The following MMP10 variants were observed in gnomAD, a reference collection of about 807,000 sequenced individuals.
MMP10 encodes the protein stromelysin-2.
In MMP10, 50 loss-of-function variants were observed where a neutral mutation model predicts 49.1. That is an observed-to-expected ratio of 1.02 (90% confidence interval 0.81 to 1.29). MMP10 has a LOEUF of 1.29. Ranked by LOEUF, MMP10 falls within the 50% of genes most tolerant of loss-of-function variation. The probability of loss-of-function intolerance (pLI) is 0.00; values close to 1 mark genes in which losing one functional copy is unlikely to be tolerated. For missense variants in MMP10, 613 were observed against 563.8 expected (o/e 1.09, Z -0.88); for synonymous variants, 229 against 201.6 (o/e 1.14, Z -1.15).
Position 102,771,395 on chromosome 11 carries a change from T to C in MMP10, c.1331-502A>G, listed in dbSNP as rs567841887. Among the ~76,000 whole-genome samples the C allele has an allele frequency of 2.0e-5, 3 of 152,312 alleles. No homozygotes were observed. The South Asian group carries it at 6.2e-4, about 32-fold the overall frequency. On this transcript the variant is annotated intron_variant, in intron 9 of 9. Coordinates refer to ENST00000279441, the MANE Select transcript of MMP10 (RefSeq NM_002425.3). Reference sequence around the variant, plus strand: ...TGCATCCATCATGGTTAAGTCATTTTAGTAACAAGATCATCAGCCTCATGA... The same window carrying C: ...TGCATCCATCATGGTTAAGTCATTTCAGTAACAAGATCATCAGCCTCATGA...
At chr11:102,771,904 A>T in intron 9 of MMP10, 108 bp downstream of exon 9, 1 of 744,768 alleles carries the variant, frequency 1.3e-6, no homozygotes, top group Non-Finnish European at 2.3e-6. Context: ...GGAGTAAAAA[A>T]GATATCAGAC....
chr11:102,770,963 A>T (rs1193810835), intron 9 of MMP10, 70 bp from the exon 10 acceptor site: 2 of 1,028,252 alleles, frequency 1.9e-6, no homozygotes, highest in African/African-American at 3.2e-5. Flanking sequence ...TATAACTTAG[A>T]TTAAGTACAA....
Position 102,776,659 on chromosome 11 carries a change from T to C in MMP10, c.740A>G (p.Gln247Arg). ...CACATCATCTTGCGAAAGGCGGAAC[T>C]GGGCGAGCTCTGTGAATGAGTTGTA... Reference protein sequence around the residue: ...PLYNSFTELAQFRLSQDDVNG... With the variant: ...PLYNSFTELARFRLSQDDVNG... The change falls in exon 5 of 10, where the codon CAG becomes CGG. Residue 247 changes from glutamine to arginine, a missense_variant. By Grantham distance (43) the Gln-to-Arg change is conservative. Coordinates refer to ENST00000279441, the MANE Select transcript of MMP10 (RefSeq NM_002425.3). 2 of 1,613,782 alleles carry C rather than the reference T, an allele frequency of 1.2e-6. No individual in the cohort carries two copies. The highest frequency in any genetic ancestry group is 1.1e-5 in the South Asian group (1 of 91,020).
chr11:102,778,901 G>A (rs924129510), intron 3 of MMP10, 152 bp from the exon 4 acceptor site: 2 of 1,007,714 alleles, frequency 2.0e-6, no homozygotes, highest in Non-Finnish European at 1.5e-6. Context: ...ATAGTATTAA[G>A]AGGTTAGGTC....
chr11:102,776,468 T>C, intron 5 of MMP10, 44 bp from the exon 6 acceptor site: 1 of 1,598,714 alleles, frequency 6.3e-7, no homozygotes. Flanking sequence ...AAAAAAAATG[T>C]GATGCATCTG....
intron 6 of MMP10, 148 bp from the exon 7 acceptor site, chr11:102,775,469 C>T (rs188895618): frequency 4.7e-5 from 27 of 577,094 alleles, no homozygotes; most frequent in Non-Finnish European, 7.2e-5. Flanking sequence ...GTAATGAAAT[C>T]GATGGCAGGA....
chr11:102,779,830 G>T, intron 1 of MMP10, 85 bp from the exon 2 acceptor site: 1 of 1,451,468 alleles, frequency 6.9e-7, no homozygotes, highest in South Asian at 1.4e-5. Context: ...TTTTCCTCTA[G>T]TTTCTTAAAA....
At chr11:102,779,467 G>C in intron 2 of MMP10, 37 bp downstream of exon 2, 1 of 1,612,022 alleles carries the variant, frequency 6.2e-7, no homozygotes. Flanking sequence ...AACTTATAAG[G>C]TTTCAATATT....
In MMP10 at chr11:102,780,484, T is replaced by G. The variant is rs924577357; in HGVS notation, c.105+3A>C. ...AGCTGCAATAGATGCCACCGTTAAT[T>G]ACCTGGGCAAGATCCTTGTTGGAGT... On this transcript the variant is annotated splice_donor_region_variant and intron_variant, in intron 1 of 9. Transcript: ENST00000279441. 1 of 1,613,638 alleles carries G rather than the reference T, an allele frequency of 6.2e-7. No individual in the cohort carries two copies. Among genetic ancestry groups the G allele is most frequent in the Non-Finnish European group, 8.5e-7 (1 of 1,179,732 alleles).
chr11:102,779,206 T>G lies in MMP10; in HGVS notation c.496+7A>C. 6.2e-7 allele frequency: 1 copy of G among 1,612,224 alleles called. No individual in the cohort carries two copies. Among genetic ancestry groups the G allele is most frequent in the Non-Finnish European group, 8.5e-7 (1 of 1,179,854 alleles). On this transcript the variant is annotated splice_region_variant and intron_variant, in intron 3 of 9. Transcript: ENST00000279441. ...ACACCAGATAAATGGATGCTTTATT[T>G]GATTACCTTTAACTGCAAAAGAGAT...
Position 102,779,646 on chromosome 11 carries a change from A to G in MMP10, c.205T>C (p.Phe69Leu). ...IVKKIQGMQKFLGLEVTGKLD... is the reference protein window; with the variant it reads ...IVKKIQGMQKLLGLEVTGKLD... ...TTCCCTGTCACCTCCAACCCAAGGAACTTCTGCATTCCTTGGATTTTTTTA... is the reference window on the plus strand; with the variant it reads ...TTCCCTGTCACCTCCAACCCAAGGAGCTTCTGCATTCCTTGGATTTTTTTA... The change falls in exon 2 of 10, where the codon TTC becomes CTC. Residue 69 changes from phenylalanine to leucine, a missense_variant. Coordinates refer to ENST00000279441, the MANE Select transcript of MMP10 (RefSeq NM_002425.3). 1.9e-6 allele frequency: 3 copies of G among 1,613,976 alleles called. No homozygotes were observed. Among genetic ancestry groups the G allele is most frequent in the Admixed American group, 1.7e-5 (1 of 59,930 alleles).
intron 3 of MMP10, 89 bp from the exon 4 acceptor site, chr11:102,778,838 A>G: frequency 1.4e-6 from 2 of 1,479,956 alleles, no homozygotes; most frequent in Non-Finnish European, 1.8e-6. Context: ...CTATAGTCTG[A>G]ATGTTGGTGT....
intron 7 of MMP10, 124 bp from the exon 8 acceptor site, chr11:102,773,130 C>G (rs985522711): frequency 7.1e-5 from 55 of 769,468 alleles, no homozygotes; most frequent in Non-Finnish European, 1.0e-4. Context: ...GTCCAGTTCA[C>G]AGCCAGTCCT....
chr11:102,774,869 C>A (rs1862006515), intron 7 of MMP10, among the ~76,000 whole-genome samples: 1 of 152,144 alleles, frequency 6.6e-6, no homozygotes, highest in South Asian at 2.1e-4. Context: ...CTTTCCTCTG[C>A]CATATAAATT....
chr11:102,778,865 T>C lies in MMP10; in HGVS notation c.497-116A>G. 4.0e-6 allele frequency: 5 copies of C among 1,260,494 alleles called. No individual in the cohort carries two copies. In the South Asian group the frequency reaches 6.5e-5, roughly 16 times the overall value. 78.1% of individuals were successfully genotyped at this position (1,260,494 alleles called of 1,614,324 possible). A position where few individuals can be genotyped will look rare whatever the true frequency, so the allele number is the denominator to read the frequency against. On this transcript the variant is annotated intron_variant, in intron 3 of 9. Coordinates refer to ENST00000279441, the MANE Select transcript of MMP10 (RefSeq NM_002425.3). ...TGTTGGTGTCTGCTGCAAATTCATA[T>C]GTTGAAACTCAATGCCCAATGAAAT...
At chr11:102,779,883 C>T in intron 1 of MMP10, 138 bp from the exon 2 acceptor site, 2 of 967,570 alleles carry the variant, frequency 2.1e-6, no homozygotes, top group Non-Finnish European at 2.9e-6. Context: ...CATTAAGACT[C>T]CCCATTTCAT....
chr11:102,776,736 G>A lies in MMP10; in HGVS notation c.663C>T (p.His221=), dbSNP rs983861985. 2 of 1,613,916 alleles carry A rather than the reference G, an allele frequency of 1.2e-6. No homozygotes were observed. The highest frequency in any genetic ancestry group is 2.7e-5 in the African/African-American group (2 of 74,908). ...LFLVAAHELG[H]SLGLFHSANT... is the part of the protein sequence containing the mutation. ...TGGCTGAGTGAAAGAGCCCCAGGGA[G>A]TGGCCAAGTTCATGAGCAGCAACGA... Residue 221 remains histidine, a synonymous_variant, in exon 5 of 10, where the codon CAC becomes CAT. Coordinates refer to ENST00000279441, the MANE Select transcript of MMP10 (RefSeq NM_002425.3).
chr11:102,775,418 A>C (rs1424872060), intron 6 of MMP10, 97 bp from the exon 7 acceptor site: 2 of 1,039,556 alleles, frequency 1.9e-6, no homozygotes, highest in Non-Finnish European at 2.8e-6. Flanking sequence ...ACCCATTCAT[A>C]GAAGTCTGTA....
At chr11:102,774,983 A>AT (rs1437422877) in intron 7 of MMP10, among the ~76,000 whole-genome samples, 5 of 152,164 alleles carry the variant, frequency 3.3e-5, no homozygotes, top group Non-Finnish European at 7.4e-5. Context: ...ACTATCTTGC[A>AT]TTTTTTATGA....
Sources: gnomAD v4.1 joint callset for allele counts (sites outside exome capture counted in the v4.1 genomes callset) on GRCh38, gnomAD v4.1.1 for gene constraint, MANE v1.5 for transcripts, NCBI Gene and HGNC (gene_info 2026-07-23, HGNC 2026-07-21) for gene names.